Variants in ACADVL observed in about 807,000 individuals in gnomAD.
ACADVL encodes very long-chain acyl-CoA dehydrogenase, mitochondrial.
A neutral mutation model predicts 80.4 loss-of-function variants in ACADVL; 73 were observed. The observed-to-expected ratio is 0.91, with a 90% CI of 0.75 to 1.10. ACADVL has a LOEUF of 1.10. Among genes scored for constraint, ACADVL ranks in the 50% least tolerant of loss-of-function variants. The pLI is 0.00. For synonymous variants in ACADVL, 392 were observed against 326.5 expected (o/e 1.20, Z -2.16); for missense variants, 878 against 858.9 (o/e 1.02, Z -0.28).
upstream of ACADVL, chr17:7,218,444 C>G: frequency 7.1e-7 from 1 of 1,417,576 alleles, no homozygotes; most frequent in Non-Finnish European, 9.8e-7. Context: ...GCATGGTGCT[C>G]CAGCTTGGAC....
intron 11 of ACADVL, 57 bp downstream of exon 11, chr17:7,223,294 T>C: frequency 6.7e-7 from 1 of 1,494,156 alleles, no homozygotes; most frequent in Non-Finnish European, 9.3e-7. Flanking sequence ...CCCAGTCGGG[T>C]CAGACTACAA....
At chr17:7,223,930 C>G in intron 13 of ACADVL, 38 bp from the exon 14 acceptor site, 1 of 1,613,702 alleles carries the variant, frequency 6.2e-7, no homozygotes, top group Non-Finnish European at 8.5e-7. Flanking sequence ...GTAGGCACAT[C>G]TCAGCACGGG....
chr17:7,217,336 G>A (rs1389848221), upstream of ACADVL: 1 of 770,084 alleles, frequency 1.3e-6, no homozygotes, highest in Non-Finnish European at 1.8e-6. Context: ...GTGGGAGGGA[G>A]GGGAAGGGGG....
At chr17:7,224,935 A>G in intron 19 of ACADVL, 22 bp from the exon 20 acceptor site, 1 of 1,613,718 alleles carries the variant, frequency 6.2e-7, no homozygotes. Context: ...TGCAGGCCCA[A>G]CCCCTCCTTC....
chr17:7,220,974 C>T lies in ACADVL; in HGVS notation c.393C>T (p.Thr131=), dbSNP rs754931255. ...KNDALEMVEE[T]TWQGLKELGA... ...ACGCTCTGGAGATGGTGGAGGAGAC[C>T]ACTTGGCAGGGCCTCAAGGAGCTGG... Residue 131 remains threonine, a synonymous_variant, in exon 6 of 20, where the codon ACC becomes ACT. Transcript: ENST00000356839. The T allele has an allele frequency of 2.5e-6, 4 of 1,614,064 alleles. No individual in the cohort carries two copies. Among genetic ancestry groups the T allele is most frequent in the South Asian group, 1.1e-5 (1 of 91,086 alleles).
At chr17:7,223,492 A>G (rs1311145158) in intron 11 of ACADVL, 152 bp from the exon 12 acceptor site, 1 of 914,686 alleles carries the variant, frequency 1.1e-6, no homozygotes, top group African/African-American at 1.6e-5. Context: ...GAAAACAAAT[A>G]CCTGGAAGCA....
Position 7,222,055 on chromosome 17 carries a change from C to A in ACADVL, c.726C>A (p.Thr242=), listed in dbSNP as rs972997485. Reference sequence around the variant, plus strand: ...CCAGCCCCTGTGGAAAATACTATACCCTCAATGGAAGCAAGCTTTGGATCA... The same window carrying A: ...CCAGCCCCTGTGGAAAATACTATACACTCAATGGAAGCAAGCTTTGGATCA... ...AVPSPCGKYY[T]LNGSKLWISN... is the part of the protein sequence containing the mutation. Residue 242 remains threonine, a synonymous_variant, in exon 8 of 20, where the codon ACC becomes ACA. Coordinates refer to ENST00000356839, the MANE Select transcript of ACADVL (RefSeq NM_000018.4). 6.2e-7 allele frequency: 1 copy of A among 1,613,992 alleles called. No individual in the cohort carries two copies. The highest frequency in any genetic ancestry group is 8.5e-7 in the Non-Finnish European group (1 of 1,180,016).
In ACADVL at chr17:7,224,222, A is replaced by G. The variant is rs2071366289; in HGVS notation, c.1511A>G (p.Glu504Gly). The G allele has an allele frequency of 1.2e-6, 2 of 1,613,836 alleles. No homozygotes were observed. The highest frequency in any genetic ancestry group is 1.7e-6 in the Non-Finnish European group (2 of 1,180,020). Residue 504 changes from glutamate to glycine, a missense_variant, in exon 15 of 20, where the codon GAG becomes GGG. Physicochemically the swap from Glu to Gly is moderately conservative, Grantham distance 98. Coordinates refer to ENST00000356839, the MANE Select transcript of ACADVL (RefSeq NM_000018.4). ...PFGNAGLLLG[E>G]AGKQLRRRAG... ...GGGAATGCTGGCCTCCTGCTAGGAG[A>G]GGCAGGCAAACAGCTGAGGCGGTAG... is the stretch of plus-strand genomic sequence containing the variant.
In ACADVL at chr17:7,219,938, A is replaced by AGGACGCCG; in HGVS notation, c.-46_-45insGACGCCGG. The AGGACGCCG allele has an allele frequency of 1.5e-6, 1 of 674,800 alleles. No individual in the cohort carries two copies. The allele number at this position is 674,800 out of a possible 1,614,324, so 41.8% of individuals were successfully genotyped here. A position where few individuals can be genotyped will look rare whatever the true frequency, so the allele number is the denominator to read the frequency against. ...CCAGGACGTGGGCGTGCAGGACGCC[A>AGGACGCCG]GAGCTGGGTCAGAGCTCGAGCCAGC... On this transcript the variant is annotated 5_prime_UTR_variant, in exon 1 of 20. Transcript: ENST00000356839.
rs2071308944 is a variant in ACADVL at position 7,223,089 on chromosome 17, A to G, written c.1078-44A>G. The G allele has an allele frequency of 1.9e-6, 3 of 1,571,076 alleles. No individual in the cohort carries two copies. In the East Asian group the frequency reaches 6.7e-5, roughly 35 times the overall value. On this transcript the variant is annotated intron_variant, in intron 10 of 19. Coordinates refer to ENST00000356839, the MANE Select transcript of ACADVL (RefSeq NM_000018.4). ...CCAGCCCCTCTCCTAGGGAGACTGC[A>G]GAACCACACTGAACCACAGCGGGAT...
In ACADVL at chr17:7,223,134, T is replaced by C. The variant is rs1284063777; in HGVS notation, c.1079T>C (p.Val360Ala). 2.5e-6 allele frequency: 4 copies of C among 1,612,286 alleles called. No homozygotes were observed. Among genetic ancestry groups the C allele is most frequent in the African/African-American group, 1.3e-5 (1 of 74,888 alleles). Residue 360 changes from valine to alanine, a missense_variant and splice_region_variant, in exon 11 of 20, where the codon GTA becomes GCA. By Grantham distance (64) the Val-to-Ala change is moderately conservative. Transcript: ENST00000356839. Reference sequence around the variant, plus strand: ...CGGGATGTGTGGACCCTCTTCCAGGTAGATCATGCCACTAATCGTACCCAG... The same window carrying C: ...CGGGATGTGTGGACCCTCTTCCAGGCAGATCATGCCACTAATCGTACCCAG... The part of the protein sequence containing the change: ...GTMRGIIAKA[V>A]DHATNRTQFG...
chr17:7,222,462 T>G, intron 9 of ACADVL, 160 bp downstream of exon 9: 1 of 1,273,748 alleles, frequency 7.9e-7, no homozygotes, highest in Non-Finnish European at 1.1e-6. Flanking sequence ...AGCTAAAGTT[T>G]TGGCTCCAGC....
At position 7,222,878 on chromosome 17, in the gene ACADVL, C is replaced by A; in HGVS notation, c.1077+13C>A. On this transcript the variant is annotated intron_variant, in intron 10 of 19. Transcript: ENST00000356839. The stretch of plus-strand genomic sequence containing the variant: ...CATTGCTAAGGCGGTGAGTACCCTG[C>A]CCGAGTCCCTAGGTAACCCAAACAG... 6.2e-7 allele frequency: 1 copy of A among 1,609,774 alleles called. No homozygotes were observed. The highest frequency in any genetic ancestry group is 8.5e-7 in the Non-Finnish European group (1 of 1,179,934).
chr17:7,221,111 C>T, intron 6 of ACADVL, 53 bp downstream of exon 6: 1 of 1,611,138 alleles, frequency 6.2e-7, no homozygotes, highest in Non-Finnish European at 8.5e-7. Context: ...GCTTGGCAGA[C>T]TCAGCTCTTT....
chr17:7,225,169 G>A lies in ACADVL; in HGVS notation c.*72G>A. 2 of 1,606,686 alleles carry A rather than the reference G, an allele frequency of 1.2e-6. No homozygotes were observed. The highest frequency in any genetic ancestry group is 2.2e-5 in the East Asian group (1 of 44,868). Reference sequence around the variant, plus strand: ...CAAAGCCGAAGCCCCTTTCCTTAAGGCCCTGGTTTGTCCCGAAGGGGCCTA... The same window carrying A: ...CAAAGCCGAAGCCCCTTTCCTTAAGACCCTGGTTTGTCCCGAAGGGGCCTA... On this transcript the variant is annotated 3_prime_UTR_variant, in exon 20 of 20. Transcript: ENST00000356839.
At chr17:7,223,274 G>A in intron 11 of ACADVL, 37 bp downstream of exon 11, 1 of 1,575,750 alleles carries the variant, frequency 6.3e-7, no homozygotes, top group Non-Finnish European at 8.7e-7. Flanking sequence ...TGGAGCCCTG[G>A]GGCTTTCTTC....
In ACADVL at chr17:7,223,917, T is replaced by G. The variant is rs1418285691; in HGVS notation, c.1332+42T>G. On this transcript the variant is annotated intron_variant, in intron 13 of 19. Coordinates refer to ENST00000356839, the MANE Select transcript of ACADVL (RefSeq NM_000018.4). ...TGCAGAGCCTCGGCTGGGCCAGGGG[T>G]GGGTAGGCACATCTCAGCACGGGCA... The G allele has an allele frequency of 2.5e-6, 4 of 1,613,076 alleles. No individual in the cohort carries two copies. The East Asian group carries it at 6.7e-5, about 27-fold the overall frequency.
At chr17:7,221,411 C>G in intron 6 of ACADVL, 127 bp from the exon 7 acceptor site, 1 of 1,441,990 alleles carries the variant, frequency 6.9e-7, no homozygotes, top group Non-Finnish European at 9.7e-7. Context: ...GGGGATGGCC[C>G]AGGTCAGGCA....
chr17:7,219,293 G>A, upstream of ACADVL: 1 of 695,176 alleles, frequency 1.4e-6, no homozygotes, highest in South Asian at 4.4e-5. Context: ...GAATCCATCT[G>A]CCTGGGCACA....
Sources: gnomAD v4.1 joint callset for allele counts on GRCh38, gnomAD v4.1.1 for gene constraint, MANE v1.5 for transcripts, NCBI Gene and HGNC (gene_info 2026-07-23, HGNC 2026-07-21) for gene names.